The following SLIT2 variants were observed in gnomAD, a reference collection of about 807,000 sequenced individuals.
SLIT2 encodes the protein slit homolog 2 protein.
Under a neutral mutation model 185.7 loss-of-function variants are expected in SLIT2, and 41 were observed. The ratio of observed to expected loss-of-function variants is 0.22; its 90% confidence interval spans 0.17 to 0.29. The LOEUF is 0.29. Among genes scored for constraint, SLIT2 ranks in the 10% least tolerant of loss-of-function variants. SLIT2 has a pLI of 1.00. For missense variants in SLIT2, 1,571 were observed against 1,909.0 expected (o/e 0.82, Z 3.30); for synonymous variants, 693 against 680.2 (o/e 1.02, Z -0.29).
At position 20,618,785 on chromosome 4, in the gene SLIT2, G is replaced by A; in HGVS notation, c.4366G>A (p.Glu1456Lys). The A allele has an allele frequency of 1.9e-6, 3 of 1,586,208 alleles. No individual in the cohort carries two copies. Among genetic ancestry groups the A allele is most frequent in the Non-Finnish European group, 2.6e-6 (3 of 1,159,342 alleles). ...TTTTCTAGAAATCTCTTGTCGAGGG[G>A]AAAGGATAAGAGATTATTACCAAAA... ...SCDREISCRGERIRDYYQKQQ... is the reference protein window; with the variant it reads ...SCDREISCRGKRIRDYYQKQQ... Residue 1456 changes from glutamate to lysine, a missense_variant, in exon 37 of 37, where the codon GAA becomes AAA. This residue lies in a region of SLIT2 where 223 missense variants were observed against 245.2 expected (regional missense o/e 0.91). Transcript: ENST00000504154.
intron 4 of SLIT2, among the ~76,000 whole-genome samples, chr4:20,337,106 G>A (rs1720570993): frequency 6.6e-6 from 1 of 152,074 alleles, no homozygotes; most frequent in African/African-American, 2.4e-5. Context: ...TCACTTTTTA[G>A]CAAAGGCTAG....
At chr4:20,608,090 T>A (rs957552547) in intron 33 of SLIT2, among the ~76,000 whole-genome samples, 9 of 152,124 alleles carry the variant, frequency 5.9e-5, no homozygotes, top group African/African-American at 2.2e-4. Context: ...ATCATGATGA[T>A]CGTGGTTGGG....
intron 4 of SLIT2, among the ~76,000 whole-genome samples, chr4:20,424,912 C>A (rs535649684): frequency 6.6e-6 from 1 of 152,080 alleles, no homozygotes; most frequent in Non-Finnish European, 1.5e-5. Flanking sequence ...ATCAGATTTG[C>A]AAGTCCAAAT....
At chr4:20,356,063 A>G (rs1722298003) in intron 4 of SLIT2, among the ~76,000 whole-genome samples, 1 of 152,204 alleles carries the variant, frequency 6.6e-6, no homozygotes, top group African/African-American at 2.4e-5. Context: ...ATGAAGATGT[A>G]TAGATCTTTT....
chr4:20,548,634 C>G, intron 23 of SLIT2, 75 bp downstream of exon 23: 1 of 869,802 alleles, frequency 1.1e-6, no homozygotes, highest in Admixed American at 1.9e-5. Flanking sequence ...CTGGACATTG[C>G]TATTGAACAA....
In SLIT2 at chr4:20,290,107, C is replaced by A. The variant is rs535294097; in HGVS notation, c.395+21226C>A. Among the ~76,000 whole-genome samples, 12 of 152,290 alleles carry A rather than the reference C, an allele frequency of 7.9e-5. No homozygotes were observed. In the South Asian group the frequency reaches 1.2e-3, roughly 16 times the overall value. ...CCTACACCTGGCCATTCTCCCATAT[C>A]CCTGCTTTACTCTGTTGAGAACCTT... is the stretch of plus-strand genomic sequence containing the variant. On this transcript the variant is annotated intron_variant, in intron 4 of 36. Coordinates refer to ENST00000504154, the MANE Select transcript of SLIT2 (RefSeq NM_004787.4).
At chr4:20,500,214 T>C (rs1718593875) in intron 9 of SLIT2, among the ~76,000 whole-genome samples, 1 of 152,238 alleles carries the variant, frequency 6.6e-6, no homozygotes, top group African/African-American at 2.4e-5. Context: ...AGAACTTTAT[T>C]GTTTCATTGT....
chr4:20,295,641 GT>G (rs1325507291), intron 4 of SLIT2, among the ~76,000 whole-genome samples: 2 of 152,106 alleles, frequency 1.3e-5, no homozygotes, highest in East Asian at 1.9e-4. Context: ...TTCCTGAGAA[GT>G]TATTCATCCT....
rs1460318433 is a variant in SLIT2 at position 20,254,388 on chromosome 4, A to C, written c.179+394A>C. Among the ~76,000 whole-genome samples the C allele has an allele frequency of 6.6e-6, 1 of 152,330 alleles. No homozygotes were observed. The highest frequency in any genetic ancestry group is 1.9e-4 in the East Asian group (1 of 5,166). On this transcript the variant is annotated intron_variant, in intron 1 of 36. Transcript: ENST00000504154. This position sits in a 1 kb window ranked among gnomAD's most constrained non-coding sequence, Gnocchi z 5.1. Reference sequence around the variant, plus strand: ...GATTGCCAGCATCCAGGTCGGTTTCAGAGCCCAGTCCTCGCTCTTGTCGCA... The same window carrying C: ...GATTGCCAGCATCCAGGTCGGTTTCCGAGCCCAGTCCTCGCTCTTGTCGCA...
chr4:20,432,092 T>C (rs1040872506), intron 4 of SLIT2, among the ~76,000 whole-genome samples: 2 of 151,804 alleles, frequency 1.3e-5, no homozygotes, highest in Non-Finnish European at 2.9e-5. Flanking sequence ...AAGGAAGGAA[T>C]ACAGGAGAGA....
At chr4:20,273,483 T>C (rs1487437799) in intron 4 of SLIT2, among the ~76,000 whole-genome samples, 1 of 152,068 alleles carries the variant, frequency 6.6e-6, no homozygotes, top group Non-Finnish European at 1.5e-5. Context: ...ATTAAATCTC[T>C]GTTGGGTTCA....
At chr4:20,458,305 T>A (rs541603516) in intron 4 of SLIT2, among the ~76,000 whole-genome samples, 1 of 152,260 alleles carries the variant, frequency 6.6e-6, no homozygotes, top group African/African-American at 2.4e-5. Context: ...TGGGGCTTCC[T>A]AGTTTTTATT....
At chr4:20,306,593 C>T (rs924319275) in intron 4 of SLIT2, among the ~76,000 whole-genome samples, 8 of 152,066 alleles carry the variant, frequency 5.3e-5, no homozygotes, top group African/African-American at 7.2e-5. Flanking sequence ...ATTTATTTCC[C>T]GCGATTTGAG....
At chr4:20,491,939 G>T in intron 9 of SLIT2, 40 bp downstream of exon 9, 1 of 1,594,228 alleles carries the variant, frequency 6.3e-7, no homozygotes, top group Non-Finnish European at 8.6e-7. Context: ...CCACCTTCCC[G>T]GTGAACCAAA....
At chr4:20,459,342 A>G (rs1426799678) in intron 4 of SLIT2, among the ~76,000 whole-genome samples, 1 of 152,226 alleles carries the variant, frequency 6.6e-6, no homozygotes, top group Non-Finnish European at 1.5e-5. Flanking sequence ...AAGAAACAGA[A>G]TTATCATAAA....
At position 20,472,564 on chromosome 4, in the gene SLIT2, CTATATATAGATATATCTATA is replaced by C. The variant is rs1715571875; in HGVS notation, c.467+4746_467+4765del. On this transcript the variant is annotated intron_variant, in intron 5 of 36. Coordinates refer to ENST00000504154, the MANE Select transcript of SLIT2 (RefSeq NM_004787.4). ...TCTATATCTATATATAGATATATAT[CTATATATAGATATATCTATA>C]TATAGATATATATCTATAGATATAT... 1.1e-3 allele frequency among the ~76,000 whole-genome samples: 5 copies of C among 4,662 alleles called. 1 individual carries two copies. Among genetic ancestry groups the C allele is most frequent in the African/African-American group, 8.6e-3 (5 of 582 alleles). The allele number at this position is 4,662 out of a possible 152,430, so 3.1% of individuals were successfully genotyped here.
At chr4:20,589,195 G>T in intron 29 of SLIT2, among the ~76,000 whole-genome samples, 1 of 152,138 alleles carries the variant, frequency 6.6e-6, no homozygotes, top group East Asian at 1.9e-4. Context: ...CGGGGGGAAG[G>T]CTTCTGGGGT....
intron 4 of SLIT2, among the ~76,000 whole-genome samples, chr4:20,300,334 A>C (rs572703313): frequency 1.3e-5 from 2 of 152,238 alleles, no homozygotes; most frequent in East Asian, 3.9e-4. Flanking sequence ...TATTTATTTG[A>C]ATTATATAGG....
chr4:20,522,433 T>C (rs1212353463), intron 12 of SLIT2, among the ~76,000 whole-genome samples: 1 of 152,014 alleles, frequency 6.6e-6, no homozygotes, highest in Non-Finnish European at 1.5e-5. Context: ...GAAACTGTCA[T>C]TGGACAAATA....
Sources: allele counts gnomAD v4.1 joint callset (sites outside exome capture counted in the v4.1 genomes callset), GRCh38; gene constraint gnomAD v4.1.1; regional missense constraint gnomAD v4.1.1; non-coding constraint Gnocchi (gnomAD v3.1); transcripts MANE v1.5; gene names NCBI Gene and HGNC (gene_info 2026-07-23, HGNC 2026-07-21).